PPFIA2: variants seen among roughly 807,000 people sequenced by gnomAD.
The protein encoded by PPFIA2 is PPFI scaffold protein A2.
A neutral mutation model predicts 175.5 loss-of-function variants in PPFIA2; 46 were observed. That is an observed-to-expected ratio of 0.26 (90% CI 0.21 to 0.34). PPFIA2 has a LOEUF of 0.34. Among genes scored for constraint, PPFIA2 ranks in the 10% least tolerant of loss-of-function variants. The probability of loss-of-function intolerance (pLI) is 1.00; values close to 1 mark genes in which losing one functional copy is unlikely to be tolerated. For synonymous variants in PPFIA2, 568 were observed against 511.4 expected, an observed-to-expected ratio of 1.11 and a Z score of -1.49; for missense variants, 1,179 against 1,506.1, an observed-to-expected ratio of 0.78 and a Z score of 3.60.
intron 4 of PPFIA2, among the ~76,000 whole-genome samples, chr12:81,587,021 T>A (rs188746623): frequency 1.5e-4 from 23 of 152,162 alleles, no homozygotes; most frequent in African/African-American, 5.3e-4. Flanking sequence ...ATATTTTTTT[T>A]ATTTTCCAAT....
At chr12:81,356,338 C>T (rs1416086527) in intron 16 of PPFIA2, among the ~76,000 whole-genome samples, 1 of 151,926 alleles carries the variant, frequency 6.6e-6, no homozygotes, top group Non-Finnish European at 1.5e-5. Flanking sequence ...ATCACCATAA[C>T]AGATATAATA....
intron 4 of PPFIA2, among the ~76,000 whole-genome samples, chr12:81,486,456 T>C (rs1209466759): frequency 6.6e-6 from 1 of 151,904 alleles, no homozygotes; most frequent in Non-Finnish European, 1.5e-5. Flanking sequence ...TTTAAAAACA[T>C]AGTATTTCTA....
chr12:81,575,146 T>A (rs1427028356), intron 4 of PPFIA2, among the ~76,000 whole-genome samples: 1 of 151,856 alleles, frequency 6.6e-6, no homozygotes, highest in Non-Finnish European at 1.5e-5. Flanking sequence ...CATTTCTATC[T>A]TGTTGTTGAT....
chr12:81,557,018 C>T (rs79504255), intron 4 of PPFIA2, among the ~76,000 whole-genome samples: 1 of 151,588 alleles, frequency 6.6e-6, no homozygotes, highest in Admixed American at 6.6e-5. Flanking sequence ...TAGAAGTGAT[C>T]TAAGTTATCT....
At chr12:81,669,084 G>A (rs908604729) in intron 4 of PPFIA2, among the ~76,000 whole-genome samples, 7 of 151,854 alleles carry the variant, frequency 4.6e-5, no homozygotes, top group African/African-American at 1.7e-4. Flanking sequence ...TAAGACATAC[G>A]GCATTCTAAA....
At chr12:81,339,512 T>C (rs1187589765) in intron 20 of PPFIA2, among the ~76,000 whole-genome samples, 178 bp from the exon 21 acceptor site, 3 of 152,008 alleles carry the variant, frequency 2.0e-5, no homozygotes, top group South Asian at 2.1e-4. Flanking sequence ...CTTTGGGCCC[T>C]GAAACTCCAA....
chr12:81,351,224 A>C (rs2140861462), intron 17 of PPFIA2, among the ~76,000 whole-genome samples: 1 of 152,310 alleles, frequency 6.6e-6, no homozygotes, highest in South Asian at 2.1e-4. Flanking sequence ...CTAGTATGAA[A>C]TAGTTCATAT....
intron 22 of PPFIA2, among the ~76,000 whole-genome samples, chr12:81,310,309 T>G: frequency 6.6e-6 from 1 of 152,154 alleles, no homozygotes; most frequent in East Asian, 1.9e-4. Flanking sequence ...TCATCTTCAC[T>G]ATGTTGTACT....
intron 7 of PPFIA2, among the ~76,000 whole-genome samples, chr12:81,433,382 G>A (rs1032996751): frequency 6.6e-6 from 1 of 152,082 alleles, no homozygotes; most frequent in African/African-American, 2.4e-5. Flanking sequence ...TCTGTATTTT[G>A]CTTGTGCCTG....
intron 21 of PPFIA2, among the ~76,000 whole-genome samples, chr12:81,332,199 G>C (rs2140056184): frequency 6.6e-6 from 1 of 152,054 alleles, no homozygotes; most frequent in East Asian, 1.9e-4. Context: ...TCTGCTTCAA[G>C]ATGCTGCCTC....
chr12:81,649,090 CAAG>C (rs1567713979), intron 4 of PPFIA2, among the ~76,000 whole-genome samples: 1 of 151,258 alleles, frequency 6.6e-6, no homozygotes, highest in East Asian at 1.9e-4. Context: ...GCCTCAAAAA[CAAG>C]GAAAAAAATA....
At chr12:81,594,501 C>T (rs752936784) in intron 4 of PPFIA2, among the ~76,000 whole-genome samples, 27 of 152,166 alleles carry the variant, frequency 1.8e-4, no homozygotes, top group Middle Eastern at 3.4e-3. Flanking sequence ...AAATGGGTTG[C>T]GAACTTCGTT....
intron 7 of PPFIA2, among the ~76,000 whole-genome samples, chr12:81,431,713 C>T (rs1406520687): frequency 6.6e-6 from 1 of 152,060 alleles, no homozygotes; most frequent in Non-Finnish European, 1.5e-5. Flanking sequence ...AAACACAGTA[C>T]CTTGACCATC....
chr12:81,721,162 A>G (rs2079277694), intron 3 of PPFIA2, among the ~76,000 whole-genome samples: 1 of 151,032 alleles, frequency 6.6e-6, no homozygotes, highest in Non-Finnish European at 1.5e-5. Flanking sequence ...GGGAAGTGTA[A>G]AGCCTCTAGT....
chr12:81,594,872 C>G (rs1056271079), intron 4 of PPFIA2, among the ~76,000 whole-genome samples: 1 of 152,014 alleles, frequency 6.6e-6, no homozygotes, highest in East Asian at 1.9e-4. Flanking sequence ...TTTATTGGGC[C>G]ACTGCACTCC....
At chr12:81,542,272 C>T (rs749262996) in intron 4 of PPFIA2, among the ~76,000 whole-genome samples, 2 of 152,030 alleles carry the variant, frequency 1.3e-5, no homozygotes, top group African/African-American at 2.4e-5. Flanking sequence ...TGCCTAAAGC[C>T]ACAGGAGGCT....
At chr12:81,726,538 C>A (rs1261898447) in intron 3 of PPFIA2, among the ~76,000 whole-genome samples, 1 of 151,190 alleles carries the variant, frequency 6.6e-6, no homozygotes, top group Non-Finnish European at 1.5e-5. Context: ...TATGCTAGAC[C>A]CTGTATAAGT....
chr12:81,589,077 C>A (rs2058367143), intron 4 of PPFIA2, among the ~76,000 whole-genome samples: 1 of 152,082 alleles, frequency 6.6e-6, no homozygotes, highest in Non-Finnish European at 1.5e-5. Flanking sequence ...GTAAAACATT[C>A]TTCTTCTTAA....
intron 17 of PPFIA2, among the ~76,000 whole-genome samples, chr12:81,351,966 T>TA (rs1274992402): frequency 2.6e-5 from 4 of 152,068 alleles, no homozygotes; most frequent in African/African-American, 9.7e-5. Flanking sequence ...TTTTTATTAT[T>TA]AAGAATAGTA....
Sources: gnomAD v4.1 joint callset for allele counts (sites outside exome capture counted in the v4.1 genomes callset) on GRCh38, gnomAD v4.1.1 for gene constraint, MANE v1.5 for transcripts, NCBI Gene and HGNC (gene_info 2026-07-23, HGNC 2026-07-21) for gene names.